The following APPL2 variants were observed in gnomAD, a reference collection of about 807,000 sequenced individuals.
APPL2 encodes adaptor protein, phosphotyrosine interacting with PH domain and leucine zipper 2, also known as DCC-interacting protein 13-beta.
A neutral mutation model predicts 92.7 loss-of-function variants in APPL2; 84 were observed. The ratio of observed to expected loss-of-function variants is 0.91; its 90% CI spans 0.76 to 1.09. The LOEUF (loss-of-function observed/expected upper bound fraction) is 1.09, where lower values mean the gene tolerates loss of function less well. Among genes scored for constraint, APPL2 ranks in the 50% least tolerant of loss-of-function variants. APPL2 has a pLI of 0.00. For synonymous variants in APPL2, 291 were observed against 291.0 expected (o/e 1.00, Z 0.00); for missense variants, 736 against 824.5 (o/e 0.89, Z 1.31).
intron 17 of APPL2, among the ~76,000 whole-genome samples, chr12:105,186,645 G>C (rs1406743414): frequency 7.0e-5 from 9 of 128,156 alleles, no homozygotes; most frequent in Middle Eastern, 7.8e-3. Flanking sequence ...TCATATATAT[G>C]ATATCGATAT....
Position 105,174,376 on chromosome 12 carries a change from C to G in APPL2, c.1933G>C (p.Asp645His), listed in dbSNP as rs145186457. ...TTTCCATCATCGTCATCTGGTTGAT[C>G]GTTTAACAGTACATATTTTCCGTCA... ...TNDGKYVLLN[D>H]QPDDDDGNPN... The change falls in exon 21 of 21, where the codon GAT becomes CAT. Residue 645 changes from aspartate to histidine, a missense_variant. By Grantham distance (81) the Asp-to-His change is moderately conservative (BLOSUM62 -1). Transcript: ENST00000258530. The G allele has an allele frequency of 6.2e-7, 1 of 1,613,942 alleles. No homozygotes were observed. Among genetic ancestry groups the G allele is most frequent in the Non-Finnish European group, 8.5e-7 (1 of 1,179,888 alleles).
At chr12:105,176,772 G>A in intron 19 of APPL2, 104 bp downstream of exon 19, 2 of 1,410,532 alleles carry the variant, frequency 1.4e-6, no homozygotes, top group Non-Finnish European at 1.9e-6. Flanking sequence ...ATGGAGACAT[G>A]CAGAATAATC....
chr12:105,195,444 C>T lies in APPL2; in HGVS notation c.1152+1G>A. On this transcript the variant is annotated splice_donor_variant, in intron 13 of 20. Coordinates refer to ENST00000258530, the MANE Select transcript of APPL2 (RefSeq NM_018171.5). LOFTEE classifies it high-confidence loss of function. ...CTGAGATGCCGGTGGCTGATAATTA[C>T]CTCAGGGTTGTCGGTCAGGTAGATC... The T allele has an allele frequency of 6.2e-7, 1 of 1,614,098 alleles. No individual in the cohort carries two copies.
chr12:105,227,551 C>G (rs1890615582), intron 2 of APPL2, among the ~76,000 whole-genome samples: 1 of 152,214 alleles, frequency 6.6e-6, no homozygotes, highest in Non-Finnish European at 1.5e-5. Context: ...CCCTGCCGTT[C>G]CAGATGAATA....
chr12:105,217,771 C>T (rs1190261061), intron 2 of APPL2, 46 bp from the exon 3 acceptor site: 1 of 1,576,348 alleles, frequency 6.3e-7, no homozygotes, highest in South Asian at 1.1e-5. Context: ...CCAATGTATA[C>T]ATAGTCACTG....
In APPL2 at chr12:105,217,729, T is replaced by C. The variant is rs767107055; in HGVS notation, c.154-4A>G. Reference sequence around the variant, plus strand: ...GTGTGGCCAGGCACATCTCATTCTGTGGAGAGAAGAGAAAAAGCAAGTAAG... The same window carrying C: ...GTGTGGCCAGGCACATCTCATTCTGCGGAGAGAAGAGAAAAAGCAAGTAAG... On this transcript the variant is annotated splice_polypyrimidine_tract_variant and splice_region_variant and intron_variant, in intron 2 of 20. Transcript: ENST00000258530. 3.7e-6 allele frequency: 6 copies of C among 1,613,500 alleles called. No individual in the cohort carries two copies. The East Asian group carries it at 1.1e-4, about 30-fold the overall frequency.
intron 2 of APPL2, among the ~76,000 whole-genome samples, chr12:105,219,633 G>A (rs766786481): frequency 6.6e-6 from 1 of 152,114 alleles, no homozygotes; most frequent in Admixed American, 6.5e-5. Flanking sequence ...ATGGTGTAAG[G>A]GTTTTAAAAT....
intron 2 of APPL2, 53 bp downstream of exon 2, chr12:105,229,072 T>C: frequency 1.4e-6 from 2 of 1,458,914 alleles, no homozygotes; most frequent in Non-Finnish European, 1.9e-6. Flanking sequence ...AAGTTCAGGA[T>C]GAGGGGAGAG....
At chr12:105,194,665 C>T (rs1389310193) in intron 14 of APPL2, among the ~76,000 whole-genome samples, 1 of 151,446 alleles carries the variant, frequency 6.6e-6, no homozygotes, top group Non-Finnish European at 1.5e-5. Context: ...CACTCCAGCC[C>T]AGGTGACAGA....
At chr12:105,234,539 A>G (rs1051656907) in intron 1 of APPL2, among the ~76,000 whole-genome samples, 1 of 152,246 alleles carries the variant, frequency 6.6e-6, no homozygotes, top group African/African-American at 2.4e-5. Flanking sequence ...TGTGAGGACA[A>G]CATCAAGAAT....
intron 2 of APPL2, among the ~76,000 whole-genome samples, chr12:105,225,597 T>C (rs1890434401): frequency 6.6e-6 from 1 of 152,242 alleles, no homozygotes; most frequent in African/African-American, 2.4e-5. Flanking sequence ...AAAAATAGAC[T>C]GTTCTAAGTA....
At chr12:105,199,869 A>G (rs891263547) in intron 9 of APPL2, among the ~76,000 whole-genome samples, 3 of 151,264 alleles carry the variant, frequency 2.0e-5, no homozygotes, top group Non-Finnish European at 4.4e-5. Context: ...CCCAGGCTGG[A>G]GTACAGTGGC....
At chr12:105,209,971 T>C (rs577121905) in intron 5 of APPL2, among the ~76,000 whole-genome samples, 6 of 152,160 alleles carry the variant, frequency 3.9e-5, no homozygotes, top group African/African-American at 9.7e-5. Flanking sequence ...TCACCCTTTT[T>C]TTTTTTTGAG....
Position 105,219,448 on chromosome 12 carries a change from A to G in APPL2, c.154-1723T>C, listed in dbSNP as rs1360618250. On this transcript the variant is annotated intron_variant, in intron 2 of 20. Transcript: ENST00000258530. ...AACCAGAAATGTGACTTCTAGCCACATAGTCAGGAAGTCAGCAAGTGGACA... is the reference window on the plus strand; with the variant it reads ...AACCAGAAATGTGACTTCTAGCCACGTAGTCAGGAAGTCAGCAAGTGGACA... Among the ~76,000 whole-genome samples the G allele has an allele frequency of 2.0e-5, 3 of 152,232 alleles. No individual in the cohort carries two copies. In the East Asian group the frequency reaches 5.8e-4, roughly 29 times the overall value.
intron 4 of APPL2, among the ~76,000 whole-genome samples, chr12:105,215,569 G>T (rs1889615857): frequency 6.6e-6 from 1 of 152,176 alleles, no homozygotes; most frequent in Admixed American, 6.5e-5. Context: ...TGTTGAACTG[G>T]TTTGTTGAAT....
intron 4 of APPL2, among the ~76,000 whole-genome samples, chr12:105,216,284 C>T (rs1889684386): frequency 1.3e-5 from 2 of 151,942 alleles, no homozygotes; most frequent in African/African-American, 2.4e-5. Flanking sequence ...GAGGCTTAGA[C>T]AGGAGGATCC....
At chr12:105,193,618 T>G (rs73180001) in intron 14 of APPL2, among the ~76,000 whole-genome samples, 19,959 of 152,264 alleles carry the variant, frequency 0.13, 1,511 homozygotes, top group African/African-American at 0.22. Context: ...ATATAGTGTC[T>G]TCCTTAGAGT....
chr12:105,174,097 A>G lies in APPL2; in HGVS notation c.*217T>C. On this transcript the variant is annotated 3_prime_UTR_variant, in exon 21 of 21. Coordinates refer to ENST00000258530, the MANE Select transcript of APPL2 (RefSeq NM_018171.5). Reference sequence around the variant, plus strand: ...CGCAATCTAAGAAAAAAGACTTACCACAAAGCACCTAAAATAACATTGTAG... The same window carrying G: ...CGCAATCTAAGAAAAAAGACTTACCGCAAAGCACCTAAAATAACATTGTAG... 6.1e-6 allele frequency: 3 copies of G among 487,858 alleles called. No homozygotes were observed. In the South Asian group the frequency reaches 1.2e-4, roughly 20 times the overall value. 30.2% of individuals were successfully genotyped at this position (487,858 alleles called of 1,614,324 possible). A position where few individuals can be genotyped will look rare whatever the true frequency, so the allele number is the denominator to read the frequency against.
At chr12:105,197,713 G>A (rs1012645793) in intron 11 of APPL2, 52 bp downstream of exon 11, 43 of 1,605,146 alleles carry the variant, frequency 2.7e-5, no homozygotes, top group Admixed American at 2.2e-4. Flanking sequence ...CCCTTGGAAC[G>A]GGTGGAACCA....
Sources: gnomAD v4.1 joint callset for allele counts (sites outside exome capture counted in the v4.1 genomes callset) on GRCh38, gnomAD v4.1.1 for gene constraint, MANE v1.5 for transcripts, NCBI Gene and HGNC (gene_info 2026-07-23, HGNC 2026-07-21) for gene names.